Variants in TBC1D19 observed in about 807,000 individuals in gnomAD.
TBC1D19 encodes TBC1 domain family member 19.
TBC1D19 carries 60 observed loss-of-function variants against 89.0 expected under a neutral mutation model. That is an observed-to-expected ratio of 0.67 (90% CI 0.55 to 0.84). The LOEUF is 0.84. Among genes scored for constraint, TBC1D19 ranks in the 40% least tolerant of loss-of-function variants. The pLI is 0.00. For synonymous variants in TBC1D19, 189 were observed against 199.7 expected (o/e 0.95, Z 0.45); for missense variants, 500 against 610.8 (o/e 0.82, Z 1.91).
At chr4:26,711,371 T>G (rs988840239) in intron 13 of TBC1D19, among the ~76,000 whole-genome samples, 2 of 152,112 alleles carry the variant, frequency 1.3e-5, no homozygotes, top group Admixed American at 1.3e-4. Flanking sequence ...ATTTTCTAAA[T>G]TTGGATAAAA....
At chr4:26,745,570 C>T (rs1472868750) in intron 18 of TBC1D19, among the ~76,000 whole-genome samples, 2 of 118,858 alleles carry the variant, frequency 1.7e-5, no homozygotes, top group East Asian at 2.8e-4. Context: ...TGCAGTGATG[C>T]GATCTTGGCT....
At chr4:26,595,257 C>A (rs1196064209) in intron 1 of TBC1D19, among the ~76,000 whole-genome samples, 2 of 152,078 alleles carry the variant, frequency 1.3e-5, no homozygotes, top group Non-Finnish European at 2.9e-5. Context: ...CTTTTCAGAT[C>A]TTTTGCCCAT....
the TBC1D19 span, among the ~76,000 whole-genome samples, chr4:26,790,533 T>TGATG: frequency 1.1e-4 from 17 of 150,270 alleles, no homozygotes; most frequent in Non-Finnish European, 1.9e-4. Context: ...GATATTACCG[T>TGATG]GATGGATGGA....
At chr4:26,655,838 G>T (rs970590868) in intron 7 of TBC1D19, among the ~76,000 whole-genome samples, 2 of 152,282 alleles carry the variant, frequency 1.3e-5, no homozygotes, top group Middle Eastern at 3.4e-3. Flanking sequence ...GCAATGCCTC[G>T]CCCTGCTTCA....
At chr4:26,732,158 A>G (rs1255855655) in intron 15 of TBC1D19, among the ~76,000 whole-genome samples, 1 of 152,036 alleles carries the variant, frequency 6.6e-6, no homozygotes. Context: ...AGATACACCC[A>G]CCCCTTGCTT....
the TBC1D19 span, among the ~76,000 whole-genome samples, chr4:26,853,642 G>A: frequency 0.03 from 4,560 of 151,978 alleles, 239 homozygotes; most frequent in African/African-American, 0.1. Context: ...GGTTCAAGCC[G>A]TTCTCCTGGC....
rs192790881 is a variant in TBC1D19 at position 26,651,788 on chromosome 4, G to A, written c.481-7809G>A. ...GTGAGAGAGGGCATCCCTCTCTTGT[G>A]CCAGTTTTCAAAGGGAATTCTTCCA... On this transcript the variant is annotated intron_variant, in intron 7 of 20. Transcript: ENST00000264866. Among the ~76,000 whole-genome samples, 72 of 152,242 alleles carry A rather than the reference G, an allele frequency of 4.7e-4. 2 individuals carry two copies. The East Asian group carries it at 0.013, about 28-fold the overall frequency.
intron 3 of TBC1D19, among the ~76,000 whole-genome samples, chr4:26,616,917 G>A (rs1741734385): frequency 6.6e-6 from 1 of 152,056 alleles, no homozygotes; most frequent in Non-Finnish European, 1.5e-5. Context: ...CTTATTTTAT[G>A]CCAACACTTT....
chr4:26,781,441 G>A, the TBC1D19 span, among the ~76,000 whole-genome samples: 2 of 152,144 alleles, frequency 1.3e-5, no homozygotes, highest in Non-Finnish European at 2.9e-5. Context: ...GGTCGTGTGT[G>A]TCTGGCCTAT....
At chr4:26,580,111 C>A (rs909648754), upstream of TBC1D19, among the ~76,000 whole-genome samples, 1 of 152,122 alleles carries the variant, frequency 6.6e-6, no homozygotes, top group Non-Finnish European at 1.5e-5. Context: ...ACTCCTGGAG[C>A]CAGTAGCCCA....
intron 7 of TBC1D19, among the ~76,000 whole-genome samples, chr4:26,647,774 A>G (rs1414245788): frequency 6.6e-6 from 1 of 151,978 alleles, no homozygotes; most frequent in Non-Finnish European, 1.5e-5. Context: ...TCTGCTGGCA[A>G]TGATTTTTCC....
chr4:26,677,156 T>C (rs1712891586), intron 11 of TBC1D19, among the ~76,000 whole-genome samples: 1 of 152,196 alleles, frequency 6.6e-6, no homozygotes, highest in South Asian at 2.1e-4. Flanking sequence ...GAATATCATA[T>C]TGTATTACTC....
At chr4:26,687,751 C>T (rs1184501139) in intron 12 of TBC1D19, among the ~76,000 whole-genome samples, 2 of 151,980 alleles carry the variant, frequency 1.3e-5, no homozygotes, top group Admixed American at 6.6e-5. Flanking sequence ...TAGGGAGGCT[C>T]ATAGAAATCA....
intron 16 of TBC1D19, among the ~76,000 whole-genome samples, chr4:26,737,063 T>G (rs1451934860): frequency 6.6e-6 from 1 of 152,190 alleles, no homozygotes; most frequent in East Asian, 1.9e-4. Context: ...GTACCAAGAA[T>G]CTGCAATAAA....
downstream of TBC1D19, among the ~76,000 whole-genome samples, chr4:26,756,560 C>G (rs1007789651): frequency 1.3e-5 from 2 of 152,204 alleles, no homozygotes; most frequent in East Asian, 3.9e-4. Flanking sequence ...GAGGGACTGG[C>G]AACAAATGGT....
At chr4:26,779,623 T>C in the TBC1D19 span, among the ~76,000 whole-genome samples, 6 of 152,112 alleles carry the variant, frequency 3.9e-5, no homozygotes, top group Admixed American at 1.3e-4. Context: ...TTGGACTAAG[T>C]CAAAACTGCA....
the TBC1D19 span, among the ~76,000 whole-genome samples, chr4:26,850,540 C>CAAAAAAG: frequency 2.2e-5 from 2 of 90,444 alleles, no homozygotes; most frequent in Admixed American, 1.2e-4. Flanking sequence ...GACCCTGTCT[C>CAAAAAAG]AAAAAAAAAA....
chr4:26,658,790 A>G (rs260935), intron 7 of TBC1D19, among the ~76,000 whole-genome samples: 55,330 of 151,978 alleles, frequency 0.36, 11,372 homozygotes, highest in Non-Finnish European at 0.47. Context: ...CTCCTTGAAG[A>G]GGTTCTTCAC....
the TBC1D19 span, among the ~76,000 whole-genome samples, chr4:26,842,583 C>CCTTCCTTT: frequency 0.17 from 12,022 of 70,270 alleles, 1,015 homozygotes; most frequent in Non-Finnish European, 0.21. Flanking sequence ...TTCCTCCCTC[C>CCTTCCTTT]CTTTCTTTCT....
Sources: allele counts gnomAD v4.1 joint callset (sites outside exome capture counted in the v4.1 genomes callset), GRCh38; gene constraint gnomAD v4.1.1; transcripts MANE v1.5; gene names NCBI Gene and HGNC (gene_info 2026-07-23, HGNC 2026-07-21).